The following CSMD2 variants were observed in gnomAD, a reference collection of about 807,000 sequenced individuals.
CSMD2 encodes CUB and Sushi multiple domains 2, also known as CUB and sushi domain-containing protein 2.
CSMD2 carries 130 observed loss-of-function variants against 398.5 expected under a neutral mutation model. The observed-to-expected ratio is 0.33, with a 90% confidence interval of 0.28 to 0.38. The LOEUF is 0.38. Ranked by LOEUF, CSMD2 falls within the 10% of genes least tolerant of loss-of-function variation. The pLI is 1.00. For missense variants in CSMD2, 3,829 were observed against 4,764.9 expected, an observed-to-expected ratio of 0.80 and a Z score of 5.78; for synonymous variants, 1,828 against 1,908.5, an observed-to-expected ratio of 0.96 and a Z score of 1.10.
At chr1:33,681,557 C>G (rs1050820829) in intron 25 of CSMD2, among the ~76,000 whole-genome samples, 3 of 152,154 alleles carry the variant, frequency 2.0e-5, no homozygotes, top group African/African-American at 4.8e-5. Flanking sequence ...TTCATAGTCA[C>G]CAATTCTTAG....
intron 10 of CSMD2, among the ~76,000 whole-genome samples, chr1:33,799,759 G>A (rs1655374145): frequency 6.6e-6 from 1 of 152,186 alleles, no homozygotes; most frequent in African/African-American, 2.4e-5. Flanking sequence ...GCAGCAGAGG[G>A]AAAAATACAA....
At chr1:33,526,292 T>G (rs1654767561) in intron 65 of CSMD2, among the ~76,000 whole-genome samples, 1 of 152,150 alleles carries the variant, frequency 6.6e-6, no homozygotes, top group Admixed American at 6.5e-5. Context: ...AATTGGAACA[T>G]GGGCAAATGA....
At chr1:33,801,145 A>G (rs1272723268) in intron 10 of CSMD2, among the ~76,000 whole-genome samples, 2 of 152,080 alleles carry the variant, frequency 1.3e-5, no homozygotes, top group African/African-American at 4.8e-5. Flanking sequence ...AGTTCATATA[A>G]CGAGCTTTCC....
chr1:33,681,609 G>C (rs1401875250), intron 25 of CSMD2, among the ~76,000 whole-genome samples: 1 of 152,134 alleles, frequency 6.6e-6, no homozygotes, highest in Non-Finnish European at 1.5e-5. Context: ...GCTAAAAATT[G>C]TATGTCTGTA....
chr1:33,901,228 C>T (rs561854093), intron 5 of CSMD2, among the ~76,000 whole-genome samples: 3 of 152,322 alleles, frequency 2.0e-5, no homozygotes, highest in Admixed American at 2.0e-4. Context: ...TGACATTGGT[C>T]CTGTTGCCAA....
chr1:34,126,292 G>A lies in CSMD2; in HGVS notation c.188-37099C>T, dbSNP rs193075550. Among the ~76,000 whole-genome samples, 6 of 152,226 alleles carry A rather than the reference G, an allele frequency of 3.9e-5. No individual in the cohort carries two copies. In the East Asian group the frequency reaches 7.7e-4, roughly 20 times the overall value. On this transcript the variant is annotated intron_variant, in intron 1 of 70. Transcript: ENST00000373381. Reference sequence around the variant, plus strand: ...AATCCATTCCCTAGAAAATAAAGCCGAGCTCTTCCCCACAGCCCTGGACTC... The same window carrying A: ...AATCCATTCCCTAGAAAATAAAGCCAAGCTCTTCCCCACAGCCCTGGACTC...
intron 66 of CSMD2, 102 bp downstream of exon 66, chr1:33,524,780 G>T: frequency 8.3e-7 from 1 of 1,202,652 alleles, no homozygotes; most frequent in Non-Finnish European, 1.2e-6. Flanking sequence ...AGACAAGTCT[G>T]AGCCTTGCAT....
chr1:33,572,054 G>C (rs571446047), intron 50 of CSMD2, among the ~76,000 whole-genome samples: 1 of 152,268 alleles, frequency 6.6e-6, no homozygotes, highest in Admixed American at 6.5e-5. Flanking sequence ...AAAATTTCTT[G>C]ATTTTAAAAG....
Position 33,650,707 on chromosome 1 carries a change from T to C in CSMD2, c.4586+1616A>G, listed in dbSNP as rs553964106. On this transcript the variant is annotated intron_variant, in intron 28 of 70. Transcript: ENST00000373381. Reference sequence around the variant, plus strand: ...ATTTGTTTGTTTCTTTGTTTTTGAATTGAGGTATGATTTACACCGTGTGAA... The same window carrying C: ...ATTTGTTTGTTTCTTTGTTTTTGAACTGAGGTATGATTTACACCGTGTGAA... Among the ~76,000 whole-genome samples, 46 of 152,304 alleles carry C rather than the reference T, an allele frequency of 3.0e-4. 1 individual carries two copies. The highest frequency in any genetic ancestry group is 6.8e-3 in the Middle Eastern group (2 of 294).
intron 26 of CSMD2, 131 bp downstream of exon 26, chr1:33,662,759 C>G: frequency 1.3e-5 from 11 of 875,332 alleles, no homozygotes; most frequent in Non-Finnish European, 2.1e-5. Flanking sequence ...TAACCATGTA[C>G]CAGGCACATA....
chr1:33,708,741 A>G (rs1349051864), intron 22 of CSMD2, among the ~76,000 whole-genome samples: 9 of 151,988 alleles, frequency 5.9e-5, no homozygotes, highest in Non-Finnish European at 1.0e-4. Flanking sequence ...AGCTGGGACT[A>G]CAGGCATGCA....
chr1:34,098,336 C>G (rs1401174609), intron 1 of CSMD2, among the ~76,000 whole-genome samples: 2 of 143,322 alleles, frequency 1.4e-5, no homozygotes, highest in African/African-American at 5.2e-5. Flanking sequence ...GTGGGTGCAG[C>G]ACACCAGCAT....
chr1:33,556,823 C>G (rs1191981213), intron 55 of CSMD2, among the ~76,000 whole-genome samples: 1 of 152,118 alleles, frequency 6.6e-6, no homozygotes, highest in Non-Finnish European at 1.5e-5. Flanking sequence ...GGGGCTTTTC[C>G]CCAACTTTGC....
intron 3 of CSMD2, among the ~76,000 whole-genome samples, chr1:33,971,715 G>T (rs1461801455): frequency 2.0e-5 from 3 of 152,180 alleles, no homozygotes; most frequent in Non-Finnish European, 4.4e-5. Flanking sequence ...TCGGCAGGTT[G>T]GGCGGGTGCC....
rs909695886 is a variant in CSMD2 at position 33,613,171 on chromosome 1, G to A, written c.6133+1333C>T. Among the ~76,000 whole-genome samples, 7 of 152,302 alleles carry A rather than the reference G, an allele frequency of 4.6e-5. No individual in the cohort carries two copies. In the South Asian group the frequency reaches 1.5e-3, roughly 32 times the overall value. Reference sequence around the variant, plus strand: ...CATTAACTTGAAAGCAAGGGATCCCGGGCCTTTGCAACTGGACCCAGCAGT... The same window carrying A: ...CATTAACTTGAAAGCAAGGGATCCCAGGCCTTTGCAACTGGACCCAGCAGT... On this transcript the variant is annotated intron_variant, in intron 40 of 70. Transcript: ENST00000373381.
intron 3 of CSMD2, among the ~76,000 whole-genome samples, chr1:33,940,784 AAG>A (rs916398765): frequency 5.3e-5 from 8 of 152,198 alleles, no homozygotes; most frequent in African/African-American, 1.4e-4. Context: ...CAATAAGATG[AAG>A]AGAGATTACC....
intron 40 of CSMD2, among the ~76,000 whole-genome samples, chr1:33,613,423 G>A (rs1034657434): frequency 1.3e-5 from 2 of 152,128 alleles, no homozygotes; most frequent in Non-Finnish European, 2.9e-5. Flanking sequence ...TAAGACTGCC[G>A]AGGGCGTCAT....
intron 3 of CSMD2, among the ~76,000 whole-genome samples, chr1:33,943,604 C>G (rs1865890): frequency 0.3 from 45,516 of 151,942 alleles, 7,371 homozygotes; most frequent in Middle Eastern, 0.46. Context: ...TTTTTTTGGA[C>G]CCCATCTAAG....
intron 3 of CSMD2, among the ~76,000 whole-genome samples, chr1:33,940,427 T>C (rs983321526): frequency 6.6e-6 from 1 of 152,040 alleles, no homozygotes; most frequent in Non-Finnish European, 1.5e-5. Context: ...ATTCAACTTA[T>C]AATACCTACC....
Sources: allele counts gnomAD v4.1 joint callset (sites outside exome capture counted in the v4.1 genomes callset), GRCh38; gene constraint gnomAD v4.1.1; transcripts MANE v1.5; gene names NCBI Gene and HGNC (gene_info 2026-07-23, HGNC 2026-07-21).